RAPGEF1: variants seen among roughly 807,000 people sequenced by gnomAD.
RAPGEF1 encodes the protein Rap guanine nucleotide exchange factor 1.
Under a neutral mutation model 143.3 loss-of-function variants are expected in RAPGEF1, and 33 were observed. The observed-to-expected ratio is 0.23, with a 90% CI of 0.17 to 0.31. The LOEUF is 0.31. RAPGEF1 is among the 10% of genes least tolerant of loss of function. The pLI is 1.00. For missense variants in RAPGEF1, 1,199 were observed against 1,645.4 expected, an observed-to-expected ratio of 0.73 and a Z score of 4.69; for synonymous variants, 629 against 676.5, an observed-to-expected ratio of 0.93 and a Z score of 1.09.
chr9:131,596,726 G>A (rs1023505912), intron 16 of RAPGEF1, among the ~76,000 whole-genome samples: 4 of 152,164 alleles, frequency 2.6e-5, no homozygotes, highest in Non-Finnish European at 5.9e-5. Context: ...ACAAGTCAGA[G>A]GTGAGGTAGG....
At chr9:131,677,994 A>G (rs1464794415) in intron 1 of RAPGEF1, among the ~76,000 whole-genome samples, 1 of 152,258 alleles carries the variant, frequency 6.6e-6, no homozygotes, top group Non-Finnish European at 1.5e-5. Context: ...TGTCTGCACT[A>G]GTTAAAACAA....
In RAPGEF1 at chr9:131,579,460, G is replaced by A. The variant is rs142461806; in HGVS notation, c.*37C>T. On this transcript the variant is annotated 3_prime_UTR_variant, in exon 27 of 27. Transcript: ENST00000683357. ...CTCCGGTCTGGGAGCTGCCCTCTGC[G>A]CCCCTCGAGCATTCTCCTGGATCCC... 3,923 of 1,607,846 alleles carry A rather than the reference G, an allele frequency of 2.4e-3. 5 individuals carry two copies. The highest frequency in any genetic ancestry group is 3.0e-3 in the Non-Finnish European group (3,552 of 1,176,318).
At chr9:131,615,690 C>T (rs1046847952) in intron 12 of RAPGEF1, among the ~76,000 whole-genome samples, 1 of 152,160 alleles carries the variant, frequency 6.6e-6, no homozygotes, top group African/African-American at 2.4e-5. Context: ...ATGACCTTCC[C>T]GAATGGATGC....
chr9:131,686,758 C>T (rs1237781352), intron 1 of RAPGEF1, among the ~76,000 whole-genome samples: 1 of 152,206 alleles, frequency 6.6e-6, no homozygotes, highest in Admixed American at 6.5e-5. Flanking sequence ...CTATATTGCT[C>T]AGTGCCCAGC....
chr9:131,589,843 GCCTCC>G, intron 19 of RAPGEF1, 38 bp downstream of exon 19: 1 of 1,555,256 alleles, frequency 6.4e-7, no homozygotes, highest in Non-Finnish European at 8.9e-7. Flanking sequence ...TGGAGCCTTT[GCCTCC>G]CCACTGGCCC....
intron 1 of RAPGEF1, among the ~76,000 whole-genome samples, chr9:131,706,160 G>A (rs11243477): frequency 6.6e-6 from 1 of 151,974 alleles, no homozygotes; most frequent in African/African-American, 2.4e-5. Flanking sequence ...CACAGACCAT[G>A]CTACTTTGCC....
Position 131,626,060 on chromosome 9 carries a change from C to T in RAPGEF1, c.1564G>A (p.Ala522Thr), listed in dbSNP as rs767437239. The change falls in exon 10 of 27, where the codon GCG (alanine) becomes ACG (threonine). Residue 522 changes from alanine to threonine, a missense_variant. This residue lies in a region of RAPGEF1 where 613 missense variants were observed against 710.9 expected (regional missense o/e 0.86). Coordinates refer to ENST00000683357, the MANE Select transcript of RAPGEF1 (RefSeq NM_001377935.1). The stretch of plus-strand genomic sequence containing the variant: ...AAGGGCAGAATAGCAGCAAAGGGCG[C>T]GTAGGGGACGGATGGGATCGGGGCT... ...STAPIPSVPY[A>T]PFAAILPFQH... 9.3e-6 allele frequency: 15 copies of T among 1,613,692 alleles called. No homozygotes were observed. The highest frequency in any genetic ancestry group is 2.2e-5 in the East Asian group (1 of 44,888).
At chr9:131,659,919 C>T (rs112122255) in intron 1 of RAPGEF1, among the ~76,000 whole-genome samples, 6,394 of 152,070 alleles carry the variant, frequency 0.042, 136 homozygotes, top group Middle Eastern at 0.082. Context: ...CCTGGGTTCA[C>T]GCCATTCTCC....
rs57402366 is a variant in RAPGEF1 at position 131,730,193 on chromosome 9, C to CAAA, written c.61+9574_61+9576dup. The stretch of plus-strand genomic sequence containing the variant: ...TGGGCAACAGAGCGAGACTCCCTCT[C>CAAA]AAAAAAAAAAAAAAAAAAAAAAAGA... On this transcript the variant is annotated intron_variant, in intron 1 of 26. Coordinates refer to ENST00000683357, the MANE Select transcript of RAPGEF1 (RefSeq NM_001377935.1). 4.8e-3 allele frequency among the ~76,000 whole-genome samples: 319 copies of CAAA among 66,912 alleles called. 2 individuals are homozygous for CAAA. Among genetic ancestry groups the CAAA allele is most frequent in the South Asian group, 0.019 (31 of 1,632 alleles). 43.9% of individuals were successfully genotyped at this position (66,912 alleles called of 152,430 possible).
intron 10 of RAPGEF1, among the ~76,000 whole-genome samples, chr9:131,623,941 G>C (rs1424415700): frequency 6.6e-6 from 1 of 152,176 alleles, no homozygotes; most frequent in East Asian, 1.9e-4. Flanking sequence ...GTCACCTGAG[G>C]GTCCCCTCGG....
intron 16 of RAPGEF1, among the ~76,000 whole-genome samples, chr9:131,597,068 A>T (rs1218564535): frequency 1.3e-5 from 2 of 152,340 alleles, no homozygotes; most frequent in African/African-American, 4.8e-5. Flanking sequence ...AAGAGCTGTG[A>T]CTAGGGCCAG....
intron 1 of RAPGEF1, among the ~76,000 whole-genome samples, chr9:131,688,943 C>A (rs1833575147): frequency 6.6e-6 from 1 of 152,124 alleles, no homozygotes; most frequent in Non-Finnish European, 1.5e-5. Flanking sequence ...CACCTTGGAC[C>A]ACTGTGTCTT....
intron 18 of RAPGEF1, 94 bp from the exon 19 acceptor site, chr9:131,590,072 T>A: frequency 9.2e-7 from 1 of 1,089,256 alleles, no homozygotes; most frequent in Non-Finnish European, 1.4e-6. Flanking sequence ...GCGCTCACAA[T>A]GTGCCCATCT....
chr9:131,610,427 T>C (rs1468610096), intron 12 of RAPGEF1, among the ~76,000 whole-genome samples: 1 of 152,248 alleles, frequency 6.6e-6, no homozygotes, highest in Non-Finnish European at 1.5e-5. Context: ...AATGTGGTCA[T>C]GTAAATGAAT....
intron 1 of RAPGEF1, among the ~76,000 whole-genome samples, chr9:131,685,313 G>GC (rs1487966047): frequency 1.3e-5 from 2 of 152,160 alleles, no homozygotes; most frequent in African/African-American, 4.8e-5. Flanking sequence ...TTGGGAGCAG[G>GC]CCCCCCAAAA....
intron 1 of RAPGEF1, among the ~76,000 whole-genome samples, chr9:131,697,107 C>A (rs1460872105): frequency 6.6e-6 from 1 of 152,228 alleles, no homozygotes; most frequent in Admixed American, 6.5e-5. Flanking sequence ...AACTCTGCAT[C>A]CTGAATGTCA....
At chr9:131,717,718 G>C (rs1835957068) in intron 1 of RAPGEF1, among the ~76,000 whole-genome samples, 2 of 138,238 alleles carry the variant, frequency 1.4e-5, no homozygotes, top group African/African-American at 5.3e-5. Flanking sequence ...AGTGAGCCAA[G>C]ACTGCACCAC....
Position 131,638,666 on chromosome 9 carries a change from C to A in RAPGEF1, c.620G>T (p.Gly207Val). ...EDKEMVTTVK[G>V]VIKAVLDGVK... Reference sequence around the variant, plus strand: ...TCCATCCAGCACAGCCTTGATGACCCCCTTCACAGTCGTCACCATCTCCTT... The same window carrying A: ...TCCATCCAGCACAGCCTTGATGACCACCTTCACAGTCGTCACCATCTCCTT... The change falls in exon 5 of 27, where the codon GGG becomes GTG. Residue 207 changes from glycine (G) to valine (V), a missense_variant. Physicochemically the swap from Gly to Val is moderately radical, Grantham distance 109. Coordinates refer to ENST00000683357, the MANE Select transcript of RAPGEF1 (RefSeq NM_001377935.1). 1 of 1,614,034 alleles carries A rather than the reference C, an allele frequency of 6.2e-7. No homozygotes were observed. The highest frequency in any genetic ancestry group is 1.3e-5 in the African/African-American group (1 of 75,050).
chr9:131,711,601 G>A (rs967686102), intron 1 of RAPGEF1, among the ~76,000 whole-genome samples: 3 of 151,860 alleles, frequency 2.0e-5, no homozygotes, highest in African/African-American at 4.8e-5. Context: ...CAAGTGATCC[G>A]CCCGCCTCGG....
Sources: gnomAD v4.1 joint callset for allele counts (sites outside exome capture counted in the v4.1 genomes callset) on GRCh38, gnomAD v4.1.1 for gene constraint, gnomAD v4.1.1 regional missense constraint, MANE v1.5 for transcripts, NCBI Gene and HGNC (gene_info 2026-07-23, HGNC 2026-07-21) for gene names.